APBB2: variants seen among roughly 807,000 people sequenced by gnomAD.
APBB2 encodes the protein Fe65-like 1.
APBB2 carries 38 observed loss-of-function variants against 82.5 expected under a neutral mutation model. That is an observed-to-expected ratio of 0.46 (90% CI 0.36 to 0.60). The LOEUF is 0.60. Among genes scored for constraint, APBB2 ranks in the 20% least tolerant of loss-of-function variants. APBB2 has a pLI of 0.00. For synonymous variants in APBB2, 341 were observed against 368.2 expected (o/e 0.93, Z 0.85); for missense variants, 772 against 972.3 (o/e 0.79, Z 2.74).
At chr4:41,118,589 TG>T (rs1475831182) in intron 2 of APBB2, among the ~76,000 whole-genome samples, 8 of 152,200 alleles carry the variant, frequency 5.3e-5, no homozygotes, top group African/African-American at 1.9e-4. Flanking sequence ...TCCAGGAGTT[TG>T]ATCTAAAAAA....
At chr4:41,110,353 C>G (rs1748746667) in intron 2 of APBB2, among the ~76,000 whole-genome samples, 1 of 152,098 alleles carries the variant, frequency 6.6e-6, no homozygotes, top group Non-Finnish European at 1.5e-5. Flanking sequence ...GCTTATAATC[C>G]CAGCACTTTG....
At chr4:41,093,716 T>C (rs1742556330) in intron 3 of APBB2, among the ~76,000 whole-genome samples, 1 of 152,060 alleles carries the variant, frequency 6.6e-6, no homozygotes, top group South Asian at 2.1e-4. Context: ...TAGCTGGGCG[T>C]GGTGGCGCAC....
chr4:40,969,497 A>G (rs1372117004), intron 6 of APBB2, among the ~76,000 whole-genome samples: 2 of 152,234 alleles, frequency 1.3e-5, no homozygotes, highest in Non-Finnish European at 2.9e-5. Flanking sequence ...AGATGAGATG[A>G]ATTTGTATAA....
intron 2 of APBB2, among the ~76,000 whole-genome samples, chr4:41,125,448 T>C (rs1424637930): frequency 6.6e-6 from 1 of 152,148 alleles, no homozygotes; most frequent in Non-Finnish European, 1.5e-5. Context: ...AGGTTGGGTG[T>C]CCCAGCAACC....
chr4:41,103,326 C>A (rs1196502229), intron 2 of APBB2, among the ~76,000 whole-genome samples: 1 of 152,108 alleles, frequency 6.6e-6, no homozygotes. Context: ...ACAGCTTAAC[C>A]ATAATTGCTG....
intron 4 of APBB2, among the ~76,000 whole-genome samples, chr4:41,055,524 C>G (rs1020660251): frequency 6.6e-6 from 1 of 152,218 alleles, no homozygotes; most frequent in African/African-American, 2.4e-5. Flanking sequence ...CCCACTCTTT[C>G]GTGTGGCCAC....
At chr4:40,942,349 A>ATTT (rs1787227988) in intron 7 of APBB2, among the ~76,000 whole-genome samples, 1 of 152,192 alleles carries the variant, frequency 6.6e-6, no homozygotes, top group African/African-American at 2.4e-5. Flanking sequence ...CAAATGGTAC[A>ATTT]GTGAGCAGCA....
In APBB2 at chr4:40,890,639, G is replaced by A. The variant is rs150165062; in HGVS notation, c.1402-148C>T. On this transcript the variant is annotated intron_variant, in intron 11 of 17. Transcript: ENST00000508593. ...GTCTGCCTAAGAAACTTCCTTTCTG[G>A]ACAAGAATATTGATATCTTTCAGTT... 73 of 1,078,844 alleles carry A rather than the reference G, an allele frequency of 6.8e-5. No homozygotes were observed. In the African/African-American group the frequency reaches 1.2e-3, roughly 17 times the overall value. The allele number at this position is 1,078,844 out of a possible 1,614,324, so 66.8% of individuals were successfully genotyped here. A position where few individuals can be genotyped will look rare whatever the true frequency, so the allele number is the denominator to read the frequency against.
intron 12 of APBB2, among the ~76,000 whole-genome samples, chr4:40,869,255 C>T (rs1463498345): frequency 2.0e-5 from 3 of 151,988 alleles, no homozygotes; most frequent in East Asian, 3.9e-4. Context: ...TAATAATCAA[C>T]AGTGTGTGGT....
intron 12 of APBB2, among the ~76,000 whole-genome samples, chr4:40,844,473 G>A (rs896634383): frequency 6.6e-6 from 1 of 152,116 alleles, no homozygotes; most frequent in Admixed American, 6.6e-5. Context: ...TCATCTCTTC[G>A]GCTGGGTTGT....
intron 3 of APBB2, among the ~76,000 whole-genome samples, chr4:41,075,518 A>C (rs1203487829): frequency 1.3e-5 from 2 of 152,194 alleles, no homozygotes; most frequent in African/African-American, 4.8e-5. Flanking sequence ...AACATTATTC[A>C]TGGAATCTAC....
At chr4:41,200,160 A>C (rs541175164) in intron 1 of APBB2, among the ~76,000 whole-genome samples, 1 of 152,372 alleles carries the variant, frequency 6.6e-6, no homozygotes, top group South Asian at 2.1e-4. Context: ...ACTCACTTTA[A>C]ATACCAAAAT....
At chr4:40,933,352 T>A (rs10008070) in intron 10 of APBB2, among the ~76,000 whole-genome samples, 1 of 151,984 alleles carries the variant, frequency 6.6e-6, no homozygotes, top group Non-Finnish European at 1.5e-5. Context: ...CAGGGGCGGG[T>A]AAATCAAGCC....
intron 6 of APBB2, among the ~76,000 whole-genome samples, chr4:40,982,291 AAGGAAGGAAGGAAG>A (rs1560446616): frequency 0.018 from 724 of 41,060 alleles, 124 homozygotes; most frequent in African/African-American, 0.084. Flanking sequence ...AGAAGGAAGG[AAGGAAGGAAGGAAG>A]GAAAGAAAGA....
chr4:41,152,044 T>C (rs1471811395), intron 1 of APBB2, among the ~76,000 whole-genome samples: 1 of 152,120 alleles, frequency 6.6e-6, no homozygotes, highest in Non-Finnish European at 1.5e-5. Context: ...TTCTCCCTTA[T>C]GCTACTTTCT....
intron 3 of APBB2, among the ~76,000 whole-genome samples, chr4:41,075,249 C>G (rs1735282384): frequency 6.6e-6 from 1 of 151,966 alleles, no homozygotes; most frequent in Non-Finnish European, 1.5e-5. Flanking sequence ...TGAACAAGAC[C>G]CAAAAATAAT....
intron 2 of APBB2, among the ~76,000 whole-genome samples, chr4:41,102,760 C>A (rs746827466): frequency 3.3e-5 from 5 of 152,190 alleles, no homozygotes; most frequent in Admixed American, 2.0e-4. Context: ...TTCTAAAGCA[C>A]GAGTTCACAA....
At chr4:41,062,663 T>C (rs909652100) in intron 4 of APBB2, among the ~76,000 whole-genome samples, 2 of 151,978 alleles carry the variant, frequency 1.3e-5, no homozygotes, top group African/African-American at 2.4e-5. Context: ...TTTCAGGCAA[T>C]GTGTTATGCA....
chr4:40,833,266 A>G (rs1374311087), intron 12 of APBB2, among the ~76,000 whole-genome samples: 2 of 152,078 alleles, frequency 1.3e-5, no homozygotes, highest in African/African-American at 4.8e-5. Context: ...AAAGTCCAAA[A>G]ACCTCTGGGT....
Sources: gnomAD v4.1 joint callset for allele counts (sites outside exome capture counted in the v4.1 genomes callset) on GRCh38, gnomAD v4.1.1 for gene constraint, MANE v1.5 for transcripts, NCBI Gene and HGNC (gene_info 2026-07-23, HGNC 2026-07-21) for gene names.